CALML4: variants seen among roughly 807,000 people sequenced by gnomAD.
CALML4 encodes calmodulin-like protein 4.
CALML4 carries 16 observed loss-of-function variants against 17.9 expected under a neutral mutation model. That is an observed-to-expected ratio of 0.89 (90% CI 0.61 to 1.36). CALML4 has a LOEUF of 1.36. CALML4 is among the 40% of genes most tolerant of loss of function. The probability of loss-of-function intolerance (pLI) is 0.00; values close to 1 mark genes in which losing one functional copy is unlikely to be tolerated. For missense variants in CALML4, 203 were observed against 194.8 expected (o/e 1.04, Z -0.25); for synonymous variants, 86 against 71.5 (o/e 1.20, Z -1.02).
rs1274303504 is a variant in CALML4, at chr15:68,204,962, C to A, written c.34+159G>T. Among the ~76,000 whole-genome samples, 7 of 152,160 alleles carry A rather than the reference C, an allele frequency of 4.6e-5. No individual in the cohort carries two copies. The highest frequency in any genetic ancestry group is 1.0e-4 in the Non-Finnish European group (7 of 68,030). On this transcript the variant is annotated intron_variant, in intron 2 of 4. Transcript: ENST00000467889. The surrounding 1 kb of genome is among the most constrained non-coding windows in gnomAD (Gnocchi z 6.0). ...ATTTTGGAGGCTTACCCCCAACCCC[C>A]ACCCCGCCAACAGCAGCCTCCCCGC...
At chr15:68,199,782 T>C (rs985327924) in intron 2 of CALML4, 101 bp from the exon 3 acceptor site, 9 of 1,344,290 alleles carry the variant, frequency 6.7e-6, no homozygotes, top group Admixed American at 2.1e-5. Flanking sequence ...CCCTTCCTTT[T>C]GCCTACTCCC....
At chr15:68,203,006 G>A (rs540308112) in intron 2 of CALML4, among the ~76,000 whole-genome samples, 1 of 152,120 alleles carries the variant, frequency 6.6e-6, no homozygotes, top group South Asian at 2.1e-4. Context: ...GTAGAGATAG[G>A]GTTTCACCAT....
In CALML4 at chr15:68,193,405, C is replaced by T. The variant is rs182616278; in HGVS notation, c.*610G>A. 1 of 152,620 alleles carries T rather than the reference C, an allele frequency of 6.6e-6. No homozygotes were observed. The highest frequency in any genetic ancestry group is 1.5e-5 in the Non-Finnish European group (1 of 68,260). The allele number at this position is 152,620 out of a possible 1,614,324, so 9.5% of individuals were successfully genotyped here. A position where few individuals can be genotyped will look rare whatever the true frequency, so the allele number is the denominator to read the frequency against. On this transcript the variant is annotated 3_prime_UTR_variant, in exon 5 of 5. Coordinates refer to ENST00000467889, the MANE Select transcript of CALML4 (RefSeq NM_033429.3). ...TGTGTTTATGAATGAATAGCCTGAG[C>T]TATGTCACTATATCTGTTGAGATGG...
chr15:68,197,745 G>A lies in CALML4; in HGVS notation c.176-117C>T, dbSNP rs1595810325. 6 of 872,948 alleles carry A rather than the reference G, an allele frequency of 6.9e-6. No homozygotes were observed. The East Asian group carries it at 1.6e-4, about 23-fold the overall frequency. 54.1% of individuals were successfully genotyped at this position (872,948 alleles called of 1,614,324 possible). ...AAGGTCAACTGACCAGGGAATGCCA[G>A]GATGTGGCAGTGGTCACAGTGAAGA... On this transcript the variant is annotated intron_variant, in intron 3 of 4. Coordinates refer to ENST00000467889, the MANE Select transcript of CALML4 (RefSeq NM_033429.3). This position sits in a 1 kb window ranked among gnomAD's most constrained non-coding sequence, Gnocchi z 4.1.
intron 3 of CALML4, among the ~76,000 whole-genome samples, chr15:68,199,056 GGAGGCT>G (rs2141126687): frequency 6.6e-6 from 1 of 151,928 alleles, no homozygotes; most frequent in African/African-American, 2.4e-5. Context: ...CAGCTACTTG[GGAGGCT>G]GAGGCAGGAG....
chr15:68,205,389 C>T (rs371209739), upstream of CALML4: 72 of 1,613,372 alleles, frequency 4.5e-5, no homozygotes, highest in Non-Finnish European at 5.9e-5. The surrounding 1 kb of genome is among the most constrained non-coding windows in gnomAD (Gnocchi z 4.8). Flanking sequence ...AGACTGGGCC[C>T]GACGCCACCA....
chr15:68,196,260 ACT>A (rs993293569), intron 4 of CALML4, among the ~76,000 whole-genome samples: 5 of 151,716 alleles, frequency 3.3e-5, no homozygotes, highest in South Asian at 2.1e-4. Context: ...CAATTTTTAA[ACT>A]CTCTGCACTG....
rs1268753359 is a variant in CALML4, at chr15:68,193,191, C to A, written c.*824G>T. 6.6e-6 allele frequency: 1 copy of A among 152,342 alleles called. No homozygotes were observed. Among genetic ancestry groups the A allele is most frequent in the African/African-American group, 2.4e-5 (1 of 41,450 alleles). The allele number at this position is 152,342 out of a possible 1,614,324, so 9.4% of individuals were successfully genotyped here. On this transcript the variant is annotated 3_prime_UTR_variant, in exon 5 of 5. Transcript: ENST00000467889. ...GAACCTCTCTGCCTGTTAACAGAGC[C>A]CAGGGAACAGCTCGGAATTCTCACA...
chr15:68,204,998 C>T lies in CALML4; in HGVS notation c.34+123G>A. The T allele has an allele frequency of 8.5e-7, 1 of 1,175,604 alleles. No homozygotes were observed. The highest frequency in any genetic ancestry group is 1.2e-6 in the Non-Finnish European group (1 of 809,156). The allele number at this position is 1,175,604 out of a possible 1,614,324, so 72.8% of individuals were successfully genotyped here. A position where few individuals can be genotyped will look rare whatever the true frequency, so the allele number is the denominator to read the frequency against. The stretch of plus-strand genomic sequence containing the variant: ...CAGCAGCCTCCCCGCAGCTCTTGGC[C>T]CTGGGTGGGCCCAGCTCTCCCACAG... On this transcript the variant is annotated intron_variant, in intron 2 of 4. Transcript: ENST00000467889. This position sits in a 1 kb window ranked among gnomAD's most constrained non-coding sequence, Gnocchi z 6.0.
chr15:68,200,155 C>A lies in CALML4; in HGVS notation c.35-474G>T, dbSNP rs1178784665. ...GACCCCCAGGGGACCTCTGCAAACA[C>A]AACTTTTCTGGACAATGGGAATAAT... is the stretch of plus-strand genomic sequence containing the variant. On this transcript the variant is annotated intron_variant, in intron 2 of 4. Coordinates refer to ENST00000467889, the MANE Select transcript of CALML4 (RefSeq NM_033429.3). The surrounding 1 kb of genome is among the most constrained non-coding windows in gnomAD (Gnocchi z 4.3). Among the ~76,000 whole-genome samples, 1 of 152,280 alleles carries A rather than the reference C, an allele frequency of 6.6e-6. No individual in the cohort carries two copies. Among genetic ancestry groups the A allele is most frequent in the East Asian group, 1.9e-4 (1 of 5,164 alleles).
At chr15:68,201,817 G>C (rs79806839) in intron 2 of CALML4, among the ~76,000 whole-genome samples, 1 of 152,176 alleles carries the variant, frequency 6.6e-6, no homozygotes, top group Admixed American at 6.5e-5. Context: ...AAGACAACAG[G>C]GTGCTGGAGA....
In CALML4 at chr15:68,197,413, G is replaced by A. The variant is rs750425515; in HGVS notation, c.364+27C>T. ...TCCAACTCCCTAACCCCCTCCAACT[G>A]TTGGGAGACAGGACCCAGGCTGTTA... On this transcript the variant is annotated intron_variant, in intron 4 of 4. Coordinates refer to ENST00000467889, the MANE Select transcript of CALML4 (RefSeq NM_033429.3). This position sits in a 1 kb window ranked among gnomAD's most constrained non-coding sequence, Gnocchi z 4.1. 2 of 1,606,278 alleles carry A rather than the reference G, an allele frequency of 1.2e-6. No homozygotes were observed. The highest frequency in any genetic ancestry group is 1.7e-5 in the Admixed American group (1 of 59,284).
At chr15:68,194,786 G>GCAAA (rs940314212) in intron 4 of CALML4, among the ~76,000 whole-genome samples, 5 of 151,998 alleles carry the variant, frequency 3.3e-5, no homozygotes, top group African/African-American at 1.2e-4. Flanking sequence ...AGCTCAGCCT[G>GCAAA]CAAACAGAGC....
At chr15:68,198,608 T>C (rs1455639474) in intron 3 of CALML4, 2 of 152,258 alleles carry the variant, frequency 1.3e-5, no homozygotes, top group Non-Finnish European at 2.9e-5. Flanking sequence ...TGAAAAGCTG[T>C]ATGTGTTCTC....
rs1227975209 is a variant in CALML4 at position 68,192,126 on chromosome 15, A to G, written c.*1889T>C. ...TGTGCCATCTAAATCATTGGTATCT[A>G]TCTCCCATCTAATCTTTGGTATTCC... is the stretch of plus-strand genomic sequence containing the variant. On this transcript the variant is annotated 3_prime_UTR_variant, in exon 5 of 5. Coordinates refer to ENST00000467889, the MANE Select transcript of CALML4 (RefSeq NM_033429.3). 6.6e-6 allele frequency: 1 copy of G among 152,162 alleles called. No homozygotes were observed. The highest frequency in any genetic ancestry group is 2.4e-5 in the African/African-American group (1 of 41,454). The allele number at this position is 152,162 out of a possible 1,614,324, so 9.4% of individuals were successfully genotyped here.
chr15:68,194,324 G>A (rs74020069), intron 4 of CALML4, among the ~76,000 whole-genome samples: 3,951 of 151,366 alleles, frequency 0.026, 165 homozygotes, highest in African/African-American at 0.09. Context: ...CGGGCTTTCT[G>A]CAGGGGCAGG....
intron 2 of CALML4, among the ~76,000 whole-genome samples, chr15:68,202,642 A>AC (rs201370266): frequency 0.014 from 1,597 of 111,598 alleles, 28 homozygotes; most frequent in Middle Eastern, 0.019. Flanking sequence ...AGTTTTGCCA[A>AC]CTTTTTTTTT....
In CALML4 at chr15:68,205,331, C is replaced by T; in HGVS notation, c.-84G>A. 1.2e-6 allele frequency: 2 copies of T among 1,614,118 alleles called. No individual in the cohort carries two copies. The highest frequency in any genetic ancestry group is 1.7e-6 in the Non-Finnish European group (2 of 1,180,036). ...TTTCCTCCAGCCTCAAGTCTAAAGT[C>T]TGCCAAGCTGGGTGGAGGCCCGGGT... On this transcript the variant is annotated 5_prime_UTR_variant, in exon 1 of 5. Transcript: ENST00000467889. The surrounding 1 kb of genome is among the most constrained non-coding windows in gnomAD (Gnocchi z 4.8).
At chr15:68,205,808 C>T (rs756287665), upstream of CALML4, 33 of 193,664 alleles carry the variant, frequency 1.7e-4, no homozygotes, top group African/African-American at 7.0e-4. This position sits in a 1 kb window ranked among gnomAD's most constrained non-coding sequence, Gnocchi z 4.8. Context: ...CAGTCCTCCC[C>T]GTCTGCTGAC....
Sources: gnomAD v4.1 joint callset for allele counts (sites outside exome capture counted in the v4.1 genomes callset) on GRCh38, gnomAD v4.1.1 for gene constraint, Gnocchi (gnomAD v3.1) non-coding constraint, MANE v1.5 for transcripts, NCBI Gene and HGNC (gene_info 2026-07-23, HGNC 2026-07-21) for gene names.